CDH4: variants seen among roughly 807,000 people sequenced by gnomAD.
CDH4 encodes cadherin-4.
Under a neutral mutation model 86.0 loss-of-function variants are expected in CDH4, and 33 were observed. The observed-to-expected ratio is 0.38, with a 90% CI of 0.29 to 0.51. The LOEUF is 0.51. CDH4 is among the 20% of genes least tolerant of loss of function. The pLI is 0.86. For missense variants in CDH4, 1,114 were observed against 1,307.4 expected, an observed-to-expected ratio of 0.85 and a Z score of 2.28; for synonymous variants, 555 against 549.4, an observed-to-expected ratio of 1.01 and a Z score of -0.14.
chr20:61,754,694 C>T lies in CDH4; in HGVS notation c.396+10905C>T, dbSNP rs146312275. Among the ~76,000 whole-genome samples the T allele has an allele frequency of 0.014, 2,141 of 149,920 alleles. 28 individuals are homozygous for T. The highest frequency in any genetic ancestry group is 0.031 in the Middle Eastern group (9 of 288). ...GCACACACTATGCACACCACACACACAGTGCATGCCACACACACCGCACAC... is the reference window on the plus strand; with the variant it reads ...GCACACACTATGCACACCACACACATAGTGCATGCCACACACACCGCACAC... On this transcript the variant is annotated intron_variant, in intron 3 of 15. Coordinates refer to ENST00000614565, the MANE Select transcript of CDH4 (RefSeq NM_001794.5). This position sits in a 1 kb window ranked among gnomAD's most constrained non-coding sequence, Gnocchi z 4.7.
rs554548142 is a variant in CDH4, at chr20:61,694,041, C to T, written c.170-49522C>T. Reference sequence around the variant, plus strand: ...CCGAGTAGGTGGGATTACAGGTGCCCGCCATGACACCCAGCTAATTTCTTG... The same window carrying T: ...CCGAGTAGGTGGGATTACAGGTGCCTGCCATGACACCCAGCTAATTTCTTG... On this transcript the variant is annotated intron_variant, in intron 2 of 15. Transcript: ENST00000614565. 1.8e-4 allele frequency among the ~76,000 whole-genome samples: 27 copies of T among 151,894 alleles called. 1 individual carries two copies. The South Asian group carries it at 4.6e-3, about 26-fold the overall frequency.
At chr20:61,495,667 C>T (rs1455494554) in intron 2 of CDH4, among the ~76,000 whole-genome samples, 1 of 152,156 alleles carries the variant, frequency 6.6e-6, no homozygotes. Context: ...CTTTGGGAGG[C>T]TGAGGCAGGT....
intron 2 of CDH4, among the ~76,000 whole-genome samples, chr20:61,395,806 C>T (rs961041757): frequency 1.3e-5 from 2 of 152,100 alleles, no homozygotes; most frequent in Non-Finnish European, 2.9e-5. Context: ...GTATTCTAAA[C>T]ACTTAGGTTT....
At chr20:61,744,560 G>A (rs564943209) in intron 3 of CDH4, among the ~76,000 whole-genome samples, 13 of 115,368 alleles carry the variant, frequency 1.1e-4, no homozygotes, top group Admixed American at 3.1e-4. Flanking sequence ...ATGGAGAGAG[G>A]TGGAGGGAGA....
At chr20:61,814,125 C>A (rs932440106) in intron 4 of CDH4, among the ~76,000 whole-genome samples, 28 of 152,248 alleles carry the variant, frequency 1.8e-4, no homozygotes, top group African/African-American at 6.5e-4. Context: ...AGGTCCCCAC[C>A]TTCCTGCTGA....
At chr20:61,781,361 CT>C (rs1451420483) in intron 4 of CDH4, among the ~76,000 whole-genome samples, 1 of 152,012 alleles carries the variant, frequency 6.6e-6, no homozygotes, top group Admixed American at 6.6e-5. Context: ...TAACATAATG[CT>C]TTATAGTATG....
At chr20:61,638,398 TC>T (rs1568727393) in intron 2 of CDH4, among the ~76,000 whole-genome samples, 1 of 152,162 alleles carries the variant, frequency 6.6e-6, no homozygotes, top group Non-Finnish European at 1.5e-5. Context: ...CTGTAGAATA[TC>T]CTAATGGATT....
chr20:61,808,044 G>A (rs1341765213), intron 4 of CDH4, among the ~76,000 whole-genome samples: 2 of 152,104 alleles, frequency 1.3e-5, no homozygotes, highest in African/African-American at 4.8e-5. Context: ...CCCGGCACAA[G>A]GGAGCTGAGA....
intron 2 of CDH4, among the ~76,000 whole-genome samples, chr20:61,701,550 C>T (rs533330845): frequency 4.0e-4 from 61 of 152,332 alleles, no homozygotes; most frequent in East Asian, 3.9e-4. Flanking sequence ...GGGACCAGCC[C>T]TGTGGGCTTC....
At chr20:61,458,273 CTGGTGG>C (rs1394719612) in intron 2 of CDH4, among the ~76,000 whole-genome samples, 26 of 149,702 alleles carry the variant, frequency 1.7e-4, no homozygotes, top group Admixed American at 2.0e-4. Context: ...AGTGCTGATG[CTGGTGG>C]TGGTGGTGAT....
chr20:61,406,010 C>T (rs1394726520), intron 2 of CDH4, among the ~76,000 whole-genome samples: 1 of 152,204 alleles, frequency 6.6e-6, no homozygotes, highest in African/African-American at 2.4e-5. Flanking sequence ...AACTTAATCA[C>T]GTGAGTTCCT....
At chr20:61,463,145 C>G (rs1006708106) in intron 2 of CDH4, among the ~76,000 whole-genome samples, 1 of 152,176 alleles carries the variant, frequency 6.6e-6, no homozygotes, top group Non-Finnish European at 1.5e-5. Context: ...TGCCTTTGCT[C>G]TTTCTTCGTC....
intron 7 of CDH4, among the ~76,000 whole-genome samples, chr20:61,893,110 AGATG>A (rs1331389850): frequency 7.4e-6 from 1 of 135,468 alleles, no homozygotes; most frequent in Non-Finnish European, 1.6e-5. Flanking sequence ...GTGGATGGAT[AGATG>A]GATGGGTGGG....
At chr20:61,524,488 CTT>C (rs113607238) in intron 2 of CDH4, among the ~76,000 whole-genome samples, 1 of 145,758 alleles carries the variant, frequency 6.9e-6, no homozygotes, top group Non-Finnish European at 1.5e-5. Context: ...GAATATTACA[CTT>C]TTTTTTTTTT....
At chr20:61,520,798 G>A (rs1188543320) in intron 2 of CDH4, among the ~76,000 whole-genome samples, 1 of 152,196 alleles carries the variant, frequency 6.6e-6, no homozygotes, top group Non-Finnish European at 1.5e-5. Context: ...TCTTTAACCT[G>A]AAGGAGCTTC....
chr20:61,912,736 G>A (rs2054863149), intron 9 of CDH4, among the ~76,000 whole-genome samples: 1 of 152,212 alleles, frequency 6.6e-6, no homozygotes, highest in South Asian at 2.1e-4. Flanking sequence ...CTCTAATTAT[G>A]AATTTTCAGA....
chr20:61,282,547 A>ATGTGTGTGTGTGTGTGTG (rs71185912), intron 2 of CDH4, among the ~76,000 whole-genome samples: 29 of 130,120 alleles, frequency 2.2e-4, no homozygotes, highest in African/African-American at 8.2e-4. Flanking sequence ...GTGTGTGTGC[A>ATGTGTGTGTGTGTGTGTG]TGTGTGTGTG....
In CDH4 at chr20:61,517,929, G is replaced by A. The variant is rs2085834685; in HGVS notation, c.170-225634G>A. Among the ~76,000 whole-genome samples the A allele has an allele frequency of 6.6e-6, 1 of 152,146 alleles. No individual in the cohort carries two copies. The highest frequency in any genetic ancestry group is 2.4e-5 in the African/African-American group (1 of 41,444). On this transcript the variant is annotated intron_variant, in intron 2 of 15. Coordinates refer to ENST00000614565, the MANE Select transcript of CDH4 (RefSeq NM_001794.5). The surrounding 1 kb of genome is among the most constrained non-coding windows in gnomAD (Gnocchi z 6.6). ...TCCCTCCCCCAAATGCACAGACACA[G>A]CCAGACAGCTTCTGGGGCTGATTGC...
intron 2 of CDH4, among the ~76,000 whole-genome samples, chr20:61,257,848 C>T (rs1165967596): frequency 1.3e-5 from 2 of 152,162 alleles, no homozygotes; most frequent in South Asian, 2.1e-4. Flanking sequence ...CACCCAGACC[C>T]GATTCATAAC....
Sources: gnomAD v4.1 joint callset for allele counts (sites outside exome capture counted in the v4.1 genomes callset) on GRCh38, gnomAD v4.1.1 for gene constraint, Gnocchi (gnomAD v3.1) non-coding constraint, MANE v1.5 for transcripts, NCBI Gene and HGNC (gene_info 2026-07-23, HGNC 2026-07-21) for gene names.